Variants in TBC1D5 observed in about 807,000 individuals in gnomAD.
TBC1D5 encodes the protein TBC1 domain family, member 5.
A neutral mutation model predicts 100.3 loss-of-function variants in TBC1D5; 75 were observed. The ratio of observed to expected loss-of-function variants is 0.75; its 90% CI spans 0.62 to 0.91. TBC1D5 has a LOEUF of 0.91. TBC1D5 is among the 40% of genes least tolerant of loss of function. The pLI is 0.00. For missense variants in TBC1D5, 910 were observed against 942.4 expected (o/e 0.97, Z 0.45); for synonymous variants, 323 against 325.6 (o/e 0.99, Z 0.09).
chr3:17,363,765 T>C (rs2091911116), intron 13 of TBC1D5, among the ~76,000 whole-genome samples: 1 of 152,042 alleles, frequency 6.6e-6, no homozygotes, highest in South Asian at 2.1e-4. Context: ...CTGGCCATTG[T>C]TAATTTTTCC....
intron 1 of TBC1D5, among the ~76,000 whole-genome samples, chr3:17,658,048 C>T (rs2066260053): frequency 6.6e-6 from 1 of 152,142 alleles, no homozygotes; most frequent in Non-Finnish European, 1.5e-5. Context: ...CTACAGTATT[C>T]AGTAGAGTAA....
At chr3:17,598,474 C>T (rs2153583383) in intron 2 of TBC1D5, among the ~76,000 whole-genome samples, 1 of 152,312 alleles carries the variant, frequency 6.6e-6, no homozygotes, top group African/African-American at 2.4e-5. Flanking sequence ...TTCTGCATCT[C>T]ATTAACTACT....
At chr3:17,684,425 T>C (rs2069957774) in intron 1 of TBC1D5, among the ~76,000 whole-genome samples, 1 of 152,144 alleles carries the variant, frequency 6.6e-6, no homozygotes, top group South Asian at 2.1e-4. Context: ...CAACTTGAAA[T>C]GTACAATGCA....
intron 2 of TBC1D5, among the ~76,000 whole-genome samples, chr3:17,609,666 A>AG (rs1200079883): frequency 6.6e-6 from 1 of 152,170 alleles, no homozygotes; most frequent in Non-Finnish European, 1.5e-5. Flanking sequence ...TCATCCTCTG[A>AG]GGAAGTTTCC....
chr3:17,392,685 G>A (rs1198355724), intron 8 of TBC1D5, among the ~76,000 whole-genome samples: 1 of 152,080 alleles, frequency 6.6e-6, no homozygotes, highest in East Asian at 1.9e-4. Context: ...CCCTGCAAAG[G>A]ACATGAACTC....
intron 3 of TBC1D5, among the ~76,000 whole-genome samples, chr3:17,492,076 T>C (rs1031224736): frequency 6.6e-6 from 1 of 152,230 alleles, no homozygotes; most frequent in Non-Finnish European, 1.5e-5. Context: ...TTCTGGTTTA[T>C]TTGCATAGAG....
chr3:17,737,081 T>A (rs2077018937), intron 1 of TBC1D5, among the ~76,000 whole-genome samples: 1 of 152,060 alleles, frequency 6.6e-6, no homozygotes, highest in African/African-American at 2.4e-5. Flanking sequence ...TTCATTCTGA[T>A]CCCCACTTAT....
intron 13 of TBC1D5, among the ~76,000 whole-genome samples, chr3:17,341,476 G>A (rs1479718792): frequency 3.3e-5 from 5 of 152,282 alleles, no homozygotes; most frequent in African/African-American, 7.2e-5. Flanking sequence ...GATTACAGGC[G>A]TGAGGTACCG....
At chr3:17,595,945 C>T (rs527818837) in intron 2 of TBC1D5, among the ~76,000 whole-genome samples, 1 of 152,298 alleles carries the variant, frequency 6.6e-6, no homozygotes, top group Admixed American at 6.5e-5. Context: ...GGTTGTGCAT[C>T]ACTATTAATG....
chr3:17,380,993 A>G (rs2092922953), intron 9 of TBC1D5, among the ~76,000 whole-genome samples: 1 of 152,102 alleles, frequency 6.6e-6, no homozygotes, highest in Admixed American at 6.6e-5. Context: ...CTTAAATTTG[A>G]TCTGGCTAAA....
intron 1 of TBC1D5, among the ~76,000 whole-genome samples, chr3:17,705,352 C>T (rs1209218883): frequency 8.0e-6 from 1 of 124,476 alleles, no homozygotes; most frequent in African/African-American, 2.8e-5. Flanking sequence ...GGCTGACCCC[C>T]CCCCACCTCC....
chr3:17,667,054 T>G (rs889973474), intron 1 of TBC1D5, among the ~76,000 whole-genome samples: 1 of 152,178 alleles, frequency 6.6e-6, no homozygotes, highest in Non-Finnish European at 1.5e-5. Context: ...AAAATCATTG[T>G]AGAAGTACAG....
intron 1 of TBC1D5, among the ~76,000 whole-genome samples, chr3:17,694,659 T>C (rs1053006829): frequency 6.6e-6 from 1 of 152,170 alleles, no homozygotes; most frequent in Non-Finnish European, 1.5e-5. Flanking sequence ...TGGACCCAAG[T>C]TGGAAAACAG....
At chr3:17,440,288 G>A (rs1279520828) in intron 3 of TBC1D5, among the ~76,000 whole-genome samples, 2 of 152,116 alleles carry the variant, frequency 1.3e-5, no homozygotes, top group South Asian at 2.1e-4. Context: ...TGGAGTTCAC[G>A]TTAAGGATTT....
chr3:17,648,875 G>T (rs1432875101), intron 1 of TBC1D5, among the ~76,000 whole-genome samples: 1 of 152,130 alleles, frequency 6.6e-6, no homozygotes, highest in East Asian at 1.9e-4. Flanking sequence ...ATACACTGTT[G>T]GTGGGAATGT....
At chr3:17,250,147 T>C (rs973513714) in intron 16 of TBC1D5, among the ~76,000 whole-genome samples, 4 of 152,230 alleles carry the variant, frequency 2.6e-5, no homozygotes, top group Non-Finnish European at 4.4e-5. Context: ...CCAGTTAGAA[T>C]TGCCCTTGAC....
chr3:17,277,766 G>T (rs2080174736), intron 15 of TBC1D5, among the ~76,000 whole-genome samples: 1 of 152,190 alleles, frequency 6.6e-6, no homozygotes, highest in Non-Finnish European at 1.5e-5. Flanking sequence ...GCAAGGGCAA[G>T]AAGAAGGAAG....
At chr3:17,332,346 G>A (rs866987840) in intron 13 of TBC1D5, among the ~76,000 whole-genome samples, 14 of 152,122 alleles carry the variant, frequency 9.2e-5, no homozygotes, top group African/African-American at 2.9e-4. Flanking sequence ...GGGAGAAGAC[G>A]GGAAACAGCA....
rs772929022 is a variant in TBC1D5, at chr3:17,233,680, T to C, written c.1588+4483A>G. ...AGAAACACTATGTTGTTATGGTAACTGTACCTTGGAGGTCAGTTAGAGTCT... is the reference window on the plus strand; with the variant it reads ...AGAAACACTATGTTGTTATGGTAACCGTACCTTGGAGGTCAGTTAGAGTCT... On this transcript the variant is annotated intron_variant, in intron 17 of 21. Transcript: ENST00000253692. The C allele has an allele frequency of 6.6e-7, 1 of 1,505,136 alleles. No homozygotes were observed. Among genetic ancestry groups the C allele is most frequent in the Non-Finnish European group, 9.0e-7 (1 of 1,112,412 alleles). The allele number at this position is 1,505,136 out of a possible 1,614,324, so 93.2% of individuals were successfully genotyped here.
Sources: gnomAD v4.1 joint callset for allele counts (sites outside exome capture counted in the v4.1 genomes callset) on GRCh38, gnomAD v4.1.1 for gene constraint, MANE v1.5 for transcripts, NCBI Gene and HGNC (gene_info 2026-07-23, HGNC 2026-07-21) for gene names.